The following XPNPEP2 variants were observed in gnomAD, a reference collection of about 807,000 sequenced individuals.
XPNPEP2 encodes X-prolyl aminopeptidase 2.
XPNPEP2 carries 64 observed loss-of-function variants against 59.8 expected under a neutral mutation model. The ratio of observed to expected loss-of-function variants is 1.07; its 90% CI spans 0.87 to 1.32. The LOEUF (loss-of-function observed/expected upper bound fraction) is 1.32. Ranked by LOEUF, XPNPEP2 falls within the 40% of genes most tolerant of loss-of-function variation. The probability of loss-of-function intolerance (pLI) is 0.00; values close to 1 mark genes in which losing one functional copy is unlikely to be tolerated. For missense variants in XPNPEP2, 575 were observed against 546.8 expected, an observed-to-expected ratio of 1.05 and a Z score of -0.51; for synonymous variants, 235 against 210.0, an observed-to-expected ratio of 1.12 and a Z score of -1.03.
At chrX:129,741,318 C>T (rs1237434469) in intron 1 of XPNPEP2, among the ~76,000 whole-genome samples, 1 of 112,023 alleles carries the variant, frequency 8.9e-6, no homozygotes, top group African/African-American at 3.3e-5. Context: ...TGAAAGTGCG[C>T]TCACCTCTTT....
intron 7 of XPNPEP2, among the ~76,000 whole-genome samples, chrX:129,748,086 T>C (rs1361222202): frequency 9.0e-6 from 1 of 111,595 alleles, no homozygotes; most frequent in Admixed American, 9.4e-5. Context: ...AGAGAAAAAA[T>C]CATGATATGA....
chrX:129,756,689 C>A, intron 14 of XPNPEP2, 134 bp downstream of exon 14: 1 of 627,093 alleles, frequency 1.6e-6, no homozygotes, highest in South Asian at 2.7e-5. Flanking sequence ...GAATGAGCCC[C>A]GAACATCCTA....
intron 7 of XPNPEP2, 54 bp from the exon 8 acceptor site, chrX:129,750,414 G>C (rs1926368594): frequency 9.6e-7 from 1 of 1,037,154 alleles, no homozygotes; most frequent in African/African-American, 1.9e-5. Context: ...CAGGAACCGA[G>C]TGCCAAAGGC....
At chrX:129,745,454 C>A (rs1422350755) in intron 4 of XPNPEP2, among the ~76,000 whole-genome samples, 188 bp downstream of exon 4, 2 of 111,186 alleles carry the variant, frequency 1.8e-5, no homozygotes, top group Non-Finnish European at 3.8e-5. Context: ...ATCTCATAGC[C>A]CACCAGCCAC....
Position 129,752,278 on chromosome X carries a change from TG to T in XPNPEP2, c.953del (p.Gly318GlufsTer3). On this transcript the variant is annotated frameshift_variant, in exon 10 of 21. Transcript: ENST00000371106. LOFTEE classifies it high-confidence loss of function. ...CGTGACAGCATCCAGGCCTACTCAT[TG>T]GGAGATGTGAGGATCTGGATTGGGA... ...QVRDSIQAYS[L>X]GDVRIWIGTS... 3.3e-6 allele frequency: 4 copies of T among 1,211,902 alleles called. No individual in the cohort carries two copies. The highest frequency in any genetic ancestry group is 4.5e-6 in the Non-Finnish European group (4 of 895,538).
chrX:129,766,691 G>GT (rs1387465388), intron 19 of XPNPEP2, among the ~76,000 whole-genome samples: 3 of 111,553 alleles, frequency 2.7e-5, no homozygotes, highest in Non-Finnish European at 3.8e-5. Context: ...TAATTTTTGT[G>GT]TTTTTTTGTA....
chrX:129,754,228 C>T (rs1455443981), intron 11 of XPNPEP2, among the ~76,000 whole-genome samples: 1 of 112,371 alleles, frequency 8.9e-6, no homozygotes, highest in Non-Finnish European at 1.9e-5. Context: ...CCCTCTGCTG[C>T]TGGATTCTTT....
In XPNPEP2 at chrX:129,757,832, A is replaced by AAAG. The variant is rs1556393811; in HGVS notation, c.1367+1280_1367+1282dup. Among the ~76,000 whole-genome samples, 65 of 89,335 alleles carry AAAG rather than the reference A, an allele frequency of 7.3e-4. 1 individual carries two copies. Among genetic ancestry groups the AAAG allele is most frequent in the Non-Finnish European group, 7.1e-4 (33 of 46,469 alleles). The allele number at this position is 89,335 out of a possible 115,157, so 77.6% of individuals were successfully genotyped here. A position where few individuals can be genotyped will look rare whatever the true frequency, so the allele number is the denominator to read the frequency against. ...GAAAGAAAGAAAGAAAGAAAGAAAG[A>AAAG]AAGAAAGAAAGAAAGAAAGAAAGAA... is the stretch of plus-strand genomic sequence containing the variant. On this transcript the variant is annotated intron_variant, in intron 14 of 20. Transcript: ENST00000371106.
intron 1 of XPNPEP2, 63 bp downstream of exon 1, chrX:129,739,325 G>T (rs1011091065): frequency 4.4e-6 from 5 of 1,129,173 alleles, no homozygotes; most frequent in Non-Finnish European, 6.0e-6. Context: ...GCTCAGAAAG[G>T]GTTGGAGTGA....
chrX:129,742,695 A>C (rs1361941323), intron 2 of XPNPEP2, among the ~76,000 whole-genome samples: 2 of 110,992 alleles, frequency 1.8e-5, no homozygotes, highest in Non-Finnish European at 3.8e-5. Context: ...TGAGGTCAGG[A>C]GTTCGAGACC....
chrX:129,767,817 C>T, intron 20 of XPNPEP2, 125 bp downstream of exon 20: 1 of 670,698 alleles, frequency 1.5e-6, no homozygotes, highest in Admixed American at 2.4e-5. Context: ...CCTGCAGACA[C>T]ACACTGGGGC....
chrX:129,763,017 A>T (rs1244167970), intron 19 of XPNPEP2, among the ~76,000 whole-genome samples: 2 of 112,171 alleles, frequency 1.8e-5, no homozygotes, highest in East Asian at 2.8e-4. Flanking sequence ...GACCAAGTGA[A>T]TCAGTATCCC....
intron 11 of XPNPEP2, among the ~76,000 whole-genome samples, chrX:129,754,000 G>A (rs763491513): frequency 1.8e-5 from 2 of 112,521 alleles, no homozygotes; most frequent in Non-Finnish European, 3.8e-5. Context: ...ACACTGGCAA[G>A]AGGATGGCTC....
At chrX:129,747,779 C>T (rs1258431992) in intron 7 of XPNPEP2, 26 bp downstream of exon 7, 1 of 1,210,076 alleles carries the variant, frequency 8.3e-7, no homozygotes, top group African/African-American at 1.7e-5. Context: ...CAGTTTCCTT[C>T]CCAACTTGTA....
intron 16 of XPNPEP2, 24 bp downstream of exon 16, chrX:129,760,605 A>G (rs1926639021): frequency 8.3e-7 from 1 of 1,200,413 alleles, no homozygotes; most frequent in Non-Finnish European, 1.1e-6. Flanking sequence ...ACCAGTCTGG[A>G]CACAGCCTCA....
chrX:129,768,932 G>A lies in XPNPEP2; in HGVS notation c.*447G>A. On this transcript the variant is annotated 3_prime_UTR_variant, in exon 21 of 21. Transcript: ENST00000371106. ...CCACCTGTTGGGCATAGCCAGAGCT[G>A]TTCCCACCCAGCCAGGGCATGAAAC... 1 of 116,629 alleles carries A rather than the reference G, an allele frequency of 8.6e-6. No homozygotes were observed. The highest frequency in any genetic ancestry group is 1.8e-5 in the Non-Finnish European group (1 of 55,609). 9.6% of individuals were successfully genotyped at this position (116,629 alleles called of 1,213,427 possible).
At chrX:129,740,587 C>A (rs1190715152) in intron 1 of XPNPEP2, among the ~76,000 whole-genome samples, 8 of 108,283 alleles carry the variant, frequency 7.4e-5, no homozygotes, top group Admixed American at 4.9e-4. Flanking sequence ...CAAGATTGTG[C>A]CACTGCACTC....
intron 1 of XPNPEP2, among the ~76,000 whole-genome samples, chrX:129,741,590 C>G (rs1017954609): frequency 8.9e-6 from 1 of 111,858 alleles, no homozygotes; most frequent in Non-Finnish European, 1.9e-5. Context: ...GGATTTCTGT[C>G]TAATATATTG....
chrX:129,741,986 C>A lies in XPNPEP2; in HGVS notation c.50-122C>A, dbSNP rs1269246933. The A allele has an allele frequency of 2.8e-5, 16 of 575,845 alleles. No homozygotes were observed. In the East Asian group the frequency reaches 4.7e-4, roughly 17 times the overall value. 47.5% of individuals were successfully genotyped at this position (575,845 alleles called of 1,213,427 possible). A position where few individuals can be genotyped will look rare whatever the true frequency, so the allele number is the denominator to read the frequency against. The stretch of plus-strand genomic sequence containing the variant: ...TGATTATTTTTATCCTCAAGTAGAG[C>A]TGGCCAGCTTCGTGCGTTTCAAAGG... On this transcript the variant is annotated intron_variant, in intron 1 of 20. Transcript: ENST00000371106.
Sources: gnomAD v4.1 joint callset for allele counts (sites outside exome capture counted in the v4.1 genomes callset) on GRCh38, gnomAD v4.1.1 for gene constraint, MANE v1.5 for transcripts, NCBI Gene and HGNC (gene_info 2026-07-23, HGNC 2026-07-21) for gene names.